Variants in MARCHF1 observed in about 807,000 individuals in gnomAD.
MARCHF1 encodes the protein membrane associated ring-CH-type finger 1, also known as E3 ubiquitin-protein ligase MARCHF1.
MARCHF1 carries 40 observed loss-of-function variants against 54.2 expected under a neutral mutation model. That is an observed-to-expected ratio of 0.74 (90% CI 0.57 to 0.96). MARCHF1 has a LOEUF of 0.96. Among genes scored for constraint, MARCHF1 ranks in the 40% least tolerant of loss-of-function variants. The probability of loss-of-function intolerance (pLI) is 0.00; values close to 1 mark genes in which losing one functional copy is unlikely to be tolerated. For synonymous variants in MARCHF1, 236 were observed against 236.3 expected, an observed-to-expected ratio of 1.00 and a Z score of 0.01; for missense variants, 586 against 656.5, an observed-to-expected ratio of 0.89 and a Z score of 1.17.
chr4:163,929,981 A>T (rs1489270471), intron 3 of MARCHF1, among the ~76,000 whole-genome samples: 4 of 130,890 alleles, frequency 3.1e-5, no homozygotes, highest in Non-Finnish European at 4.7e-5. Flanking sequence ...TAATATATAT[A>T]ATATATATAT....
chr4:164,156,988 G>A (rs1730095877), intron 1 of MARCHF1, among the ~76,000 whole-genome samples: 1 of 152,110 alleles, frequency 6.6e-6, no homozygotes, highest in South Asian at 2.1e-4. Context: ...AAACAATGAT[G>A]CTAAGACTAG....
chr4:164,357,002 A>G (rs72690053), intron 1 of MARCHF1, among the ~76,000 whole-genome samples: 18,293 of 151,766 alleles, frequency 0.12, 1,540 homozygotes, highest in Non-Finnish European at 0.18. Flanking sequence ...ATCAGGAAAG[A>G]TAACTAGTGG....
intron 3 of MARCHF1, chr4:163,933,029 G>A (rs879214031): frequency 1.8e-5 from 26 of 1,410,662 alleles, no homozygotes; most frequent in African/African-American, 1.4e-4. Context: ...TGGGGCTTGC[G>A]GTTAACTTTT....
chr4:163,801,312 A>T (rs1049267730), intron 4 of MARCHF1, among the ~76,000 whole-genome samples: 1 of 152,018 alleles, frequency 6.6e-6, no homozygotes, highest in African/African-American at 2.4e-5. Flanking sequence ...TTATGACCAC[A>T]GTAGGGTCTC....
chr4:164,227,037 A>G (rs1732278961), intron 1 of MARCHF1, among the ~76,000 whole-genome samples: 1 of 152,102 alleles, frequency 6.6e-6, no homozygotes, highest in African/African-American at 2.4e-5. Flanking sequence ...AGCACTGAAT[A>G]ATAAATTTGT....
In MARCHF1 at chr4:164,075,202, A is replaced by G. The variant is rs1754952027; in HGVS notation, c.-248+36386T>C. ...TAAATTTAATAGCATCACAGAACTG[A>G]CAAGATAGTAAGAAATTATTGAGCT... On this transcript the variant is annotated intron_variant, in intron 2 of 9. Transcript: ENST00000514618. Among the ~76,000 whole-genome samples the G allele has an allele frequency of 2.6e-5, 4 of 152,356 alleles. No individual in the cohort carries two copies. The South Asian group carries it at 8.3e-4, about 32-fold the overall frequency.
At chr4:163,867,260 T>C (rs1239474315) in intron 3 of MARCHF1, among the ~76,000 whole-genome samples, 3 of 151,958 alleles carry the variant, frequency 2.0e-5, no homozygotes, top group African/African-American at 7.2e-5. Context: ...ATCCATTTTT[T>C]AAACTATGAT....
rs557916062 is a variant in MARCHF1, at chr4:164,350,757, G to C, written c.-323+33113C>G. Among the ~76,000 whole-genome samples, 3 of 152,310 alleles carry C rather than the reference G, an allele frequency of 2.0e-5. No individual in the cohort carries two copies. The South Asian group carries it at 6.2e-4, about 32-fold the overall frequency. On this transcript the variant is annotated intron_variant, in intron 1 of 9. Coordinates refer to ENST00000514618, the MANE Select transcript of MARCHF1 (RefSeq NM_001394959.1). Reference sequence around the variant, plus strand: ...AGTTCAATAGTATTGTTGGGAGGAGGAGCCAAGATGGCCGAATAGGAACAG... The same window carrying C: ...AGTTCAATAGTATTGTTGGGAGGAGCAGCCAAGATGGCCGAATAGGAACAG...
In MARCHF1 at chr4:163,873,564, T is replaced by C. The variant is rs917000592; in HGVS notation, c.-38-19395A>G. 9.2e-5 allele frequency among the ~76,000 whole-genome samples: 14 copies of C among 152,312 alleles called. No individual in the cohort carries two copies. The East Asian group carries it at 2.7e-3, about 29-fold the overall frequency. On this transcript the variant is annotated intron_variant, in intron 3 of 9. Transcript: ENST00000514618. ...GCTCAGACAGCCCTGTGTTACCTGA[T>C]GGTAAATTTACAGGAGCTCTGGCTT... is the stretch of plus-strand genomic sequence containing the variant.
At chr4:163,986,249 C>CCTT (rs1752864138) in intron 3 of MARCHF1, among the ~76,000 whole-genome samples, 1 of 28,830 alleles carries the variant, frequency 3.5e-5, no homozygotes, top group African/African-American at 9.9e-5. Context: ...TTAACCTCTT[C>CCTT]TTTTTTTTTT....
At chr4:164,261,624 C>G (rs867840295) in intron 1 of MARCHF1, among the ~76,000 whole-genome samples, 1 of 152,126 alleles carries the variant, frequency 6.6e-6, no homozygotes, top group Non-Finnish European at 1.5e-5. Flanking sequence ...TAAATCCTTT[C>G]CCCTTGCCAT....
intron 5 of MARCHF1, among the ~76,000 whole-genome samples, chr4:163,635,726 C>T (rs1305921048): frequency 2.6e-5 from 4 of 151,982 alleles, no homozygotes; most frequent in Middle Eastern, 3.2e-3. Context: ...AAGAGGGAAT[C>T]CTCCCTAACT....
rs1751334402 is a variant in MARCHF1 at position 163,917,459 on chromosome 4, T to C, written c.-38-63290A>G. Among the ~76,000 whole-genome samples the C allele has an allele frequency of 2.0e-5, 3 of 152,172 alleles. 1 individual carries two copies. In the South Asian group the frequency reaches 6.2e-4, roughly 31 times the overall value. Reference sequence around the variant, plus strand: ...GTGTTCCAGATTTTGGCCTTTCTAATAGATGTGTAGTGGCATCTCATAGTT... The same window carrying C: ...GTGTTCCAGATTTTGGCCTTTCTAACAGATGTGTAGTGGCATCTCATAGTT... On this transcript the variant is annotated intron_variant, in intron 3 of 9. Coordinates refer to ENST00000514618, the MANE Select transcript of MARCHF1 (RefSeq NM_001394959.1).
intron 7 of MARCHF1, among the ~76,000 whole-genome samples, chr4:163,607,937 T>C (rs1176755209): frequency 6.6e-6 from 1 of 152,130 alleles, no homozygotes; most frequent in East Asian, 1.9e-4. Flanking sequence ...TTAGAACTGC[T>C]GGTGTAGAGT....
In MARCHF1 at chr4:164,132,848, A is replaced by C. The variant is rs114662121; in HGVS notation, c.-322-21186T>G. On this transcript the variant is annotated intron_variant, in intron 1 of 9. Transcript: ENST00000514618. ...GTGTATGTATATTTATTTATAAATTATCATTAGGGTCCATGGATTCTTTAA... is the reference window on the plus strand; with the variant it reads ...GTGTATGTATATTTATTTATAAATTCTCATTAGGGTCCATGGATTCTTTAA... 3.4e-3 allele frequency among the ~76,000 whole-genome samples: 519 copies of C among 152,220 alleles called. 4 individuals are homozygous for C. The highest frequency in any genetic ancestry group is 0.012 in the African/African-American group (486 of 41,546).
At chr4:164,149,269 G>A (rs1729863817) in intron 1 of MARCHF1, among the ~76,000 whole-genome samples, 1 of 152,134 alleles carries the variant, frequency 6.6e-6, no homozygotes, top group South Asian at 2.1e-4. Flanking sequence ...TACTCAGTCA[G>A]TCATTCCTTT....
At chr4:163,912,609 T>C (rs1275785700) in intron 3 of MARCHF1, among the ~76,000 whole-genome samples, 1 of 152,190 alleles carries the variant, frequency 6.6e-6, no homozygotes, top group African/African-American at 2.4e-5. Context: ...TTATTACCAT[T>C]TCCTAGTTTC....
At chr4:164,176,972 CT>C (rs1560940548) in intron 1 of MARCHF1, among the ~76,000 whole-genome samples, 773 of 56,786 alleles carry the variant, frequency 0.014, 74 homozygotes, top group Non-Finnish European at 0.018. Context: ...CTCTCTCTCT[CT>C]CTCTCTCTAT....
chr4:163,876,745 G>A (rs985097132), intron 3 of MARCHF1, among the ~76,000 whole-genome samples: 1 of 152,112 alleles, frequency 6.6e-6, no homozygotes, highest in Non-Finnish European at 1.5e-5. Flanking sequence ...ACGAAGCAAT[G>A]TCTTTTGCTT....
Sources: allele counts gnomAD v4.1 joint callset (sites outside exome capture counted in the v4.1 genomes callset), GRCh38; gene constraint gnomAD v4.1.1; transcripts MANE v1.5; gene names NCBI Gene and HGNC (gene_info 2026-07-23, HGNC 2026-07-21).